Variants in ANKMY2 observed in about 807,000 individuals in gnomAD.
ANKMY2 encodes ankyrin repeat and MYND domain containing 2.
ANKMY2 carries 36 observed loss-of-function variants against 50.4 expected under a neutral mutation model. The observed-to-expected ratio is 0.71, with a 90% CI of 0.55 to 0.94. The LOEUF (loss-of-function observed/expected upper bound fraction) is 0.94, where lower values mean the gene tolerates loss of function less well. ANKMY2 is among the 40% of genes least tolerant of loss of function. The pLI is 0.00. For missense variants in ANKMY2, 565 were observed against 524.0 expected (o/e 1.08, Z -0.76); for synonymous variants, 187 against 178.8 (o/e 1.05, Z -0.36).
At chr7:16,642,682 TA>T (rs1264984380) in intron 1 of ANKMY2, among the ~76,000 whole-genome samples, 3 of 151,786 alleles carry the variant, frequency 2.0e-5, no homozygotes, top group Non-Finnish European at 4.4e-5. Flanking sequence ...TCACCCACTT[TA>T]AAAAAAATGC....
intron 1 of ANKMY2, among the ~76,000 whole-genome samples, chr7:16,640,266 G>A (rs1781726664): frequency 6.6e-6 from 1 of 152,154 alleles, no homozygotes; most frequent in Non-Finnish European, 1.5e-5. Flanking sequence ...CCATCCCACA[G>A]TTATCTGAGG....
intron 1 of ANKMY2, among the ~76,000 whole-genome samples, chr7:16,645,017 A>T (rs898126886): frequency 4.6e-5 from 7 of 152,248 alleles, no homozygotes; most frequent in African/African-American, 1.7e-4. Flanking sequence ...CTGTACCCTT[A>T]TGAAGAACCC....
At chr7:16,645,458 G>GC (rs762738912) in intron 1 of ANKMY2, 49 bp downstream of exon 1, 4 of 1,547,470 alleles carry the variant, frequency 2.6e-6, no homozygotes, top group Admixed American at 2.1e-5. Flanking sequence ...GCTCCGCCAC[G>GC]CCCCCCGGCC....
chr7:16,615,973 A>G, intron 4 of ANKMY2, 69 bp from the exon 5 acceptor site: 2 of 1,432,634 alleles, frequency 1.4e-6, no homozygotes, highest in Non-Finnish European at 1.9e-6. Context: ...TTTAAAATTA[A>G]TTATGTTGCT....
chr7:16,627,389 G>C (rs994084145), intron 2 of ANKMY2, among the ~76,000 whole-genome samples: 9 of 152,220 alleles, frequency 5.9e-5, no homozygotes, highest in African/African-American at 2.2e-4. Flanking sequence ...TTACGGATTA[G>C]CAAACAGATT....
At chr7:16,630,105 T>C (rs1466513835) in intron 2 of ANKMY2, among the ~76,000 whole-genome samples, 1 of 152,194 alleles carries the variant, frequency 6.6e-6, no homozygotes, top group Non-Finnish European at 1.5e-5. Context: ...ATTACAGTTG[T>C]AAAGATGAAA....
At chr7:16,636,848 C>T (rs1338908925) in intron 1 of ANKMY2, among the ~76,000 whole-genome samples, 2 of 152,168 alleles carry the variant, frequency 1.3e-5, no homozygotes, top group African/African-American at 4.8e-5. Flanking sequence ...ATTCAAAATG[C>T]AGTCAGTATT....
In ANKMY2 at chr7:16,606,412, G is replaced by C. The variant is rs531908525; in HGVS notation, c.883-1563C>G. On this transcript the variant is annotated intron_variant, in intron 7 of 9. Transcript: ENST00000306999. Reference sequence around the variant, plus strand: ...TCACTACACTCCAGCCTTGGTGACAGTGCAAGACCTTGTATTTAAAAAAAA... The same window carrying C: ...TCACTACACTCCAGCCTTGGTGACACTGCAAGACCTTGTATTTAAAAAAAA... Among the ~76,000 whole-genome samples, 11 of 142,040 alleles carry C rather than the reference G, an allele frequency of 7.7e-5. No homozygotes were observed. In the East Asian group the frequency reaches 2.1e-3, roughly 28 times the overall value. 93.2% of individuals were successfully genotyped at this position (142,040 alleles called of 152,430 possible). A position where few individuals can be genotyped will look rare whatever the true frequency, so the allele number is the denominator to read the frequency against.
chr7:16,610,432 CCAA>C (rs1781229298), intron 6 of ANKMY2, 114 bp downstream of exon 6: 2 of 754,856 alleles, frequency 2.6e-6, no homozygotes, highest in Admixed American at 2.9e-5. Context: ...AAATGTGAGT[CCAA>C]CAACAGCAAT....
intron 2 of ANKMY2, among the ~76,000 whole-genome samples, chr7:16,633,691 AT>A (rs1454155194): frequency 6.6e-6 from 1 of 152,178 alleles, no homozygotes; most frequent in Non-Finnish European, 1.5e-5. Flanking sequence ...ACATGGATTA[AT>A]TTTTATCAAT....
intron 5 of ANKMY2, among the ~76,000 whole-genome samples, 156 bp downstream of exon 5, chr7:16,615,588 G>C (rs1781331674): frequency 6.6e-6 from 1 of 152,142 alleles, no homozygotes; most frequent in Non-Finnish European, 1.5e-5. Flanking sequence ...TCAACGGAGA[G>C]TGTTCCTTCA....
At chr7:16,625,103 A>G (rs1781491473) in intron 3 of ANKMY2, 22 bp from the exon 4 acceptor site, 2 of 1,579,558 alleles carry the variant, frequency 1.3e-6, no homozygotes, top group Admixed American at 3.3e-5. Context: ...AAGGGAACAC[A>G]TTTGTTAATG....
intron 1 of ANKMY2, chr7:16,644,679 T>C (rs1410778672): frequency 2.1e-6 from 1 of 471,178 alleles, no homozygotes; most frequent in Admixed American, 2.3e-5. Context: ...GTCACGCTGA[T>C]GTCACCTGCC....
chr7:16,625,725 C>A (rs1781498185), intron 3 of ANKMY2, among the ~76,000 whole-genome samples: 1 of 152,078 alleles, frequency 6.6e-6, no homozygotes, highest in African/African-American at 2.4e-5. Flanking sequence ...ATGCATTTTG[C>A]CAGGCTGCCA....
At chr7:16,601,007 T>G in intron 9 of ANKMY2, 62 bp from the exon 10 acceptor site, 7 of 1,278,114 alleles carry the variant, frequency 5.5e-6, no homozygotes, top group Non-Finnish European at 7.5e-6. Context: ...TTCTCAATGC[T>G]TTACATGTAT....
At chr7:16,644,038 G>C (rs1295975924) in intron 1 of ANKMY2, among the ~76,000 whole-genome samples, 1 of 152,196 alleles carries the variant, frequency 6.6e-6, no homozygotes, top group Non-Finnish European at 1.5e-5. Context: ...GAGCGAGAGA[G>C]AGAGAGGACA....
chr7:16,636,890 T>C (rs1781669394), intron 1 of ANKMY2, among the ~76,000 whole-genome samples: 1 of 152,242 alleles, frequency 6.6e-6, no homozygotes, highest in Non-Finnish European at 1.5e-5. Context: ...ATCTTGTGAA[T>C]TGATGACATA....
intron 4 of ANKMY2, among the ~76,000 whole-genome samples, chr7:16,622,898 A>AAG (rs1781460927): frequency 6.6e-6 from 1 of 152,228 alleles, no homozygotes; most frequent in Admixed American, 6.5e-5. Context: ...TGTAAAACAT[A>AAG]GAAAATCAAG....
intron 5 of ANKMY2, among the ~76,000 whole-genome samples, chr7:16,613,553 A>G (rs990015597): frequency 2.0e-5 from 3 of 152,172 alleles, no homozygotes; most frequent in Non-Finnish European, 2.9e-5. Context: ...TCATACTCCA[A>G]AAAATATTAT....
Sources: allele counts gnomAD v4.1 joint callset (sites outside exome capture counted in the v4.1 genomes callset), GRCh38; gene constraint gnomAD v4.1.1; transcripts MANE v1.5; gene names NCBI Gene and HGNC (gene_info 2026-07-23, HGNC 2026-07-21).